CACNA1C: variants seen among roughly 807,000 people sequenced by gnomAD.
CACNA1C encodes the protein calcium voltage-gated channel subunit alpha1 C.
In CACNA1C, 30 loss-of-function variants were observed where a neutral mutation model predicts 229.0. The observed-to-expected ratio is 0.13, with a 90% CI of 0.10 to 0.18. The LOEUF (loss-of-function observed/expected upper bound fraction) is 0.18. Among genes scored for constraint, CACNA1C ranks in the 10% least tolerant of loss-of-function variants. The probability of loss-of-function intolerance (pLI) is 1.00; values close to 1 mark genes in which losing one functional copy is unlikely to be tolerated. For synonymous variants in CACNA1C, 1,114 were observed against 1,132.5 expected (o/e 0.98, Z 0.33); for missense variants, 1,658 against 2,845.0 (o/e 0.58, Z 9.49).
At chr12:2,516,216 G>C (rs904130335) in intron 9 of CACNA1C, among the ~76,000 whole-genome samples, 1 of 152,148 alleles carries the variant, frequency 6.6e-6, no homozygotes, top group African/African-American at 2.4e-5. Flanking sequence ...TAGCGAGAAG[G>C]GGCCAATGAG....
intron 9 of CACNA1C, among the ~76,000 whole-genome samples, chr12:2,530,253 G>A (rs1486700307): frequency 6.6e-6 from 1 of 152,228 alleles, no homozygotes; most frequent in African/African-American, 2.4e-5. Context: ...AATCTGGCCA[G>A]GAAACATTAC....
intron 3 of CACNA1C, among the ~76,000 whole-genome samples, chr12:2,366,302 C>G (rs867854419): frequency 6.6e-6 from 1 of 152,156 alleles, no homozygotes; most frequent in Non-Finnish European, 1.5e-5. Flanking sequence ...AATTACAACT[C>G]TTATCAACTT....
At chr12:2,445,223 G>A (rs1207763994) in intron 3 of CACNA1C, among the ~76,000 whole-genome samples, 1 of 152,104 alleles carries the variant, frequency 6.6e-6, no homozygotes, top group African/African-American at 2.4e-5. Flanking sequence ...GATTCAGCTT[G>A]AAGATTCTTA....
chr12:2,418,942 AC>A (rs2098945364), intron 3 of CACNA1C, among the ~76,000 whole-genome samples: 1 of 152,032 alleles, frequency 6.6e-6, no homozygotes, highest in Admixed American at 6.6e-5. Flanking sequence ...GAAGTTACAG[AC>A]CCCTATGGAA....
chr12:2,365,813 G>A lies in CACNA1C; in HGVS notation c.478-83163G>A, dbSNP rs568233017. 4.7e-4 allele frequency among the ~76,000 whole-genome samples: 71 copies of A among 152,260 alleles called. 1 individual carries two copies. Among genetic ancestry groups the A allele is most frequent in the South Asian group, 2.1e-3 (10 of 4,814 alleles). On this transcript the variant is annotated intron_variant, in intron 3 of 46. Transcript: ENST00000399655. The stretch of plus-strand genomic sequence containing the variant: ...CCAATCACATTGTAAATCAAGGGGC[G>A]CTAAAGAGCAAGTGGAATTCCTACC...
rs2095294082 is a variant in CACNA1C at position 2,654,364 on chromosome 12, G to A, written c.4140+464G>A. ...GGGAGGGAGGGAAGAAGGAAGCAAG[G>A]AAGGGCCAAATCAACACAAGGTTCA... On this transcript the variant is annotated intron_variant, in intron 33 of 46. Coordinates refer to ENST00000399655, the MANE Select transcript of CACNA1C (RefSeq NM_000719.7). This position sits in a 1 kb window ranked among gnomAD's most constrained non-coding sequence, Gnocchi z 4.4. Among the ~76,000 whole-genome samples, 1 of 152,186 alleles carries A rather than the reference G, an allele frequency of 6.6e-6. No individual in the cohort carries two copies. Among genetic ancestry groups the A allele is most frequent in the African/African-American group, 2.4e-5 (1 of 41,448 alleles).
At chr12:2,238,451 C>A (rs1384698120) in intron 3 of CACNA1C, among the ~76,000 whole-genome samples, 1 of 152,166 alleles carries the variant, frequency 6.6e-6, no homozygotes, top group African/African-American at 2.4e-5. Context: ...TAGTGGTGAA[C>A]AGTAAAAGGT....
intron 3 of CACNA1C, among the ~76,000 whole-genome samples, chr12:2,376,236 A>G (rs537485053): frequency 6.6e-6 from 1 of 152,270 alleles, no homozygotes; most frequent in African/African-American, 2.4e-5. Flanking sequence ...TCTAGATCAG[A>G]AGTCCAGGTC....
chr12:2,428,535 C>T (rs374812728), intron 3 of CACNA1C, among the ~76,000 whole-genome samples: 13 of 152,218 alleles, frequency 8.5e-5, no homozygotes, highest in African/African-American at 7.2e-5. Context: ...TCCCTGAGTG[C>T]CCCGTGTGTG....
chr12:2,114,941 C>T (rs912705338), intron 1 of CACNA1C, among the ~76,000 whole-genome samples: 11 of 152,324 alleles, frequency 7.2e-5, no homozygotes, highest in African/African-American at 2.4e-4. Context: ...GAGGTCCATA[C>T]GTGCTGTAAT....
intron 1 of CACNA1C, among the ~76,000 whole-genome samples, chr12:1,985,874 G>A (rs1388068504): frequency 6.6e-6 from 1 of 151,980 alleles, no homozygotes; most frequent in Admixed American, 6.5e-5. Context: ...GCAGTGGTGC[G>A]ATCTTGGCTC....
At chr12:2,351,077 A>T (rs2097189216) in intron 3 of CACNA1C, among the ~76,000 whole-genome samples, 1 of 152,188 alleles carries the variant, frequency 6.6e-6, no homozygotes, top group Non-Finnish European at 1.5e-5. Context: ...ACTGTTTCAG[A>T]TACTCTAATG....
At chr12:2,184,004 C>T (rs1228814138) in intron 3 of CACNA1C, among the ~76,000 whole-genome samples, 1 of 152,214 alleles carries the variant, frequency 6.6e-6, no homozygotes, top group African/African-American at 2.4e-5. Context: ...CAGCCTCTGC[C>T]TGGTCTGAAA....
At chr12:2,362,657 T>A (rs1394672571) in intron 3 of CACNA1C, among the ~76,000 whole-genome samples, 1 of 152,332 alleles carries the variant, frequency 6.6e-6, no homozygotes, top group South Asian at 2.1e-4. Flanking sequence ...CAGTAGGCAC[T>A]CAGTGTTTTG....
At chr12:2,574,864 A>G (rs557997241) in intron 13 of CACNA1C, among the ~76,000 whole-genome samples, 3 of 152,356 alleles carry the variant, frequency 2.0e-5, no homozygotes, top group Non-Finnish European at 4.4e-5. Flanking sequence ...AGAGCCTGCA[A>G]TGTGGCTGTC....
At chr12:2,080,133 A>G (rs1421809647) in intron 1 of CACNA1C, among the ~76,000 whole-genome samples, 1 of 152,100 alleles carries the variant, frequency 6.6e-6, no homozygotes, top group Non-Finnish European at 1.5e-5. Context: ...ATGGTGGCAC[A>G]CACCTATAGT....
intron 13 of CACNA1C, among the ~76,000 whole-genome samples, chr12:2,572,959 C>T (rs949476734): frequency 2.3e-4 from 13 of 56,780 alleles, no homozygotes; most frequent in African/African-American, 6.9e-4. Context: ...TCTTCCTCTT[C>T]CTCCTCTCCT....
chr12:2,322,353 G>A (rs2096048830), intron 3 of CACNA1C, among the ~76,000 whole-genome samples: 1 of 152,168 alleles, frequency 6.6e-6, no homozygotes, highest in South Asian at 2.1e-4. Context: ...AGGGCTGGGA[G>A]GGCCCGAGGG....
intron 1 of CACNA1C, among the ~76,000 whole-genome samples, chr12:2,079,470 A>G (rs973388738): frequency 3.9e-5 from 6 of 152,040 alleles, no homozygotes; most frequent in Non-Finnish European, 7.4e-5. Context: ...CTGCCTTCTC[A>G]TTGTCTCCTC....
Sources: allele counts gnomAD v4.1 joint callset (sites outside exome capture counted in the v4.1 genomes callset), GRCh38; gene constraint gnomAD v4.1.1; non-coding constraint Gnocchi (gnomAD v3.1); transcripts MANE v1.5; gene names NCBI Gene and HGNC (gene_info 2026-07-23, HGNC 2026-07-21).